The following RARB variants were observed in gnomAD, a reference collection of about 807,000 sequenced individuals.
RARB encodes the protein HBV-activated protein.
RARB carries 17 observed loss-of-function variants against 51.9 expected under a neutral mutation model. The ratio of observed to expected loss-of-function variants is 0.33; its 90% confidence interval spans 0.22 to 0.49. The LOEUF is 0.49. Ranked by LOEUF, RARB falls within the 20% of genes least tolerant of loss-of-function variation. The pLI is 0.99. For missense variants in RARB, 369 were observed against 550.8 expected, an observed-to-expected ratio of 0.67 and a Z score of 3.30; for synonymous variants, 215 against 195.4, an observed-to-expected ratio of 1.10 and a Z score of -0.84.
intron 5 of RARB, among the ~76,000 whole-genome samples, chr3:25,249,180 A>C (rs1020651981): frequency 3.3e-5 from 5 of 151,944 alleles, no homozygotes; most frequent in Non-Finnish European, 5.9e-5. Context: ...CCTGTCTTCA[A>C]GTTCCGAAAT....
At chr3:25,510,286 C>T (rs934055330) in intron 3 of RARB, among the ~76,000 whole-genome samples, 2 of 152,184 alleles carry the variant, frequency 1.3e-5, no homozygotes, top group African/African-American at 2.4e-5. Context: ...TAAAGCTACA[C>T]GGTTTTCAGT....
chr3:24,893,751 C>T (rs1358037311), intron 2 of RARB, among the ~76,000 whole-genome samples: 2 of 151,368 alleles, frequency 1.3e-5, no homozygotes, highest in Non-Finnish European at 2.9e-5. Flanking sequence ...TCTCAGACTT[C>T]TGGACTCAAG....
intron 4 of RARB, among the ~76,000 whole-genome samples, chr3:25,146,787 A>G (rs895421075): frequency 5.9e-5 from 9 of 151,918 alleles, no homozygotes; most frequent in Non-Finnish European, 1.0e-4. Context: ...CCAAAGTGCT[A>G]GGATTACAGG....
intron 5 of RARB, among the ~76,000 whole-genome samples, chr3:25,396,975 A>G (rs1707132601): frequency 1.3e-5 from 2 of 152,106 alleles, no homozygotes; most frequent in African/African-American, 4.8e-5. Flanking sequence ...TAAGAAAGAA[A>G]CCTGGGCTTT....
At chr3:24,952,962 A>G (rs1695930711) in intron 2 of RARB, among the ~76,000 whole-genome samples, 1 of 152,088 alleles carries the variant, frequency 6.6e-6, no homozygotes, top group South Asian at 2.1e-4. Context: ...CGCAAAGCAT[A>G]TTAAGTATGA....
chr3:25,159,454 C>T (rs1424915422), intron 4 of RARB, among the ~76,000 whole-genome samples: 1 of 148,774 alleles, frequency 6.7e-6, no homozygotes, highest in Non-Finnish European at 1.5e-5. Context: ...GCTGGGATTA[C>T]AGGCGTGAGC....
chr3:25,307,471 G>C (rs1704181307), intron 5 of RARB, among the ~76,000 whole-genome samples: 2 of 152,070 alleles, frequency 1.3e-5, no homozygotes, highest in South Asian at 4.1e-4. Context: ...AATCTCAGAA[G>C]TCCCTTAGCC....
At chr3:25,375,503 C>A (rs1432542631) in intron 5 of RARB, among the ~76,000 whole-genome samples, 1 of 152,114 alleles carries the variant, frequency 6.6e-6, no homozygotes, top group Non-Finnish European at 1.5e-5. Flanking sequence ...TCTTTTGGGT[C>A]CCCTGGCTCC....
intron 5 of RARB, among the ~76,000 whole-genome samples, chr3:25,245,662 A>G (rs1342136044): frequency 6.6e-6 from 1 of 152,166 alleles, no homozygotes; most frequent in African/African-American, 2.4e-5. Flanking sequence ...GGGTTTCTGA[A>G]GAGAGATCTG....
intron 5 of RARB, among the ~76,000 whole-genome samples, chr3:25,279,716 G>A (rs1490581223): frequency 5.3e-5 from 8 of 152,128 alleles, no homozygotes; most frequent in Admixed American, 5.2e-4. Flanking sequence ...GAATGAGAAG[G>A]TCTTGGTGGT....
chr3:25,004,363 T>C (rs1015868993), intron 2 of RARB, among the ~76,000 whole-genome samples: 1 of 152,094 alleles, frequency 6.6e-6, no homozygotes, highest in African/African-American at 2.4e-5. Context: ...GACTGGATAA[T>C]TTATATTAAA....
At chr3:25,431,690 C>G (rs1708212991) in intron 1 of RARB, among the ~76,000 whole-genome samples, 1 of 152,030 alleles carries the variant, frequency 6.6e-6, no homozygotes, top group African/African-American at 2.4e-5. Context: ...AACTTCTTGG[C>G]CTTTTTCCCT....
intron 5 of RARB, among the ~76,000 whole-genome samples, chr3:25,196,940 T>G (rs1465746650): frequency 6.6e-6 from 1 of 152,026 alleles, no homozygotes; most frequent in Non-Finnish European, 1.5e-5. Context: ...TAAATTTGTT[T>G]AAGTTCTTTG....
chr3:25,196,405 C>A (rs113525184), intron 5 of RARB, among the ~76,000 whole-genome samples: 1,966 of 152,144 alleles, frequency 0.013, 48 homozygotes, highest in African/African-American at 0.045. Context: ...TTAACTCATC[C>A]TTCTTTATGG....
chr3:24,972,615 C>T (rs1696425157), intron 2 of RARB, among the ~76,000 whole-genome samples: 1 of 151,916 alleles, frequency 6.6e-6, no homozygotes, highest in South Asian at 2.1e-4. Context: ...AGCAGTGGTA[C>T]AAGGGTTCCC....
At chr3:25,399,518 C>A (rs1409908202) in intron 5 of RARB, among the ~76,000 whole-genome samples, 1 of 152,088 alleles carries the variant, frequency 6.6e-6, no homozygotes, top group Non-Finnish European at 1.5e-5. Context: ...GCCTGAAATA[C>A]ACACACAATG....
chr3:25,313,834 T>C (rs888187539), intron 5 of RARB, among the ~76,000 whole-genome samples: 2 of 151,706 alleles, frequency 1.3e-5, no homozygotes, highest in East Asian at 1.9e-4. Flanking sequence ...CTTTGGGAGG[T>C]CCAGGCAGAA....
intron 2 of RARB, among the ~76,000 whole-genome samples, chr3:24,955,752 G>C (rs780098539): frequency 8.5e-5 from 13 of 152,130 alleles, no homozygotes; most frequent in Non-Finnish European, 1.9e-4. Flanking sequence ...TAAGTCATCA[G>C]GGAGAATAAA....
At chr3:24,830,420 C>CATGTGTGTGTGTGTGTGT (rs139664838) in intron 1 of RARB, among the ~76,000 whole-genome samples, 5 of 121,400 alleles carry the variant, frequency 4.1e-5, no homozygotes, top group Non-Finnish European at 8.2e-5. Context: ...TGACAGAAGA[C>CATGTGTGTGTGTGTGTGT]GTGTGTGTGT....
Sources: gnomAD v4.1 joint callset for allele counts (sites outside exome capture counted in the v4.1 genomes callset) on GRCh38, gnomAD v4.1.1 for gene constraint, MANE v1.5 for transcripts, NCBI Gene and HGNC (gene_info 2026-07-23, HGNC 2026-07-21) for gene names.